The following DIP2C variants were observed in gnomAD, a reference collection of about 807,000 sequenced individuals.
DIP2C encodes DIP2 acetate--CoA ligase C (putative), also known as disco-interacting protein 2 homolog C.
Under a neutral mutation model 192.4 loss-of-function variants are expected in DIP2C, and 33 were observed. The observed-to-expected ratio is 0.17, with a 90% confidence interval of 0.13 to 0.23. The LOEUF (loss-of-function observed/expected upper bound fraction) is 0.23, where lower values mean the gene tolerates loss of function less well. Ranked by LOEUF, DIP2C falls within the 10% of genes least tolerant of loss-of-function variation. The pLI is 1.00. For missense variants in DIP2C, 1,537 were observed against 2,110.1 expected, an observed-to-expected ratio of 0.73 and a Z score of 5.32; for synonymous variants, 979 against 864.1, an observed-to-expected ratio of 1.13 and a Z score of -2.33.
chr10:382,125 A>G (rs1962424502), intron 17 of DIP2C, among the ~76,000 whole-genome samples: 1 of 152,268 alleles, frequency 6.6e-6, no homozygotes, highest in African/African-American at 2.4e-5. Context: ...TGAGATTGTC[A>G]GAGCAAAGTG....
chr10:481,140 C>T (rs1843576272), intron 2 of DIP2C, among the ~76,000 whole-genome samples: 1 of 152,162 alleles, frequency 6.6e-6, no homozygotes, highest in Non-Finnish European at 1.5e-5. Context: ...GGACCCACTG[C>T]GCACCTGCCC....
chr10:639,729 A>G (rs1855058919), intron 1 of DIP2C, among the ~76,000 whole-genome samples: 1 of 152,224 alleles, frequency 6.6e-6, no homozygotes, highest in Admixed American at 6.5e-5. Flanking sequence ...TCTTTGAAAT[A>G]GGCATATTGT....
rs567656111 is a variant in DIP2C at position 298,886 on chromosome 10, C to T, written c.3987-10465G>A. On this transcript the variant is annotated intron_variant, in intron 32 of 36. Transcript: ENST00000280886. ...TGCTGAAATGGTCCAACTTGGTTTC[C>T]GTCACTTTCCACCATGAAGTGTGAC... is the stretch of plus-strand genomic sequence containing the variant. 1.3e-4 allele frequency among the ~76,000 whole-genome samples: 20 copies of T among 152,330 alleles called. No individual in the cohort carries two copies. In the East Asian group the frequency reaches 1.7e-3, roughly 13 times the overall value.
intron 1 of DIP2C, among the ~76,000 whole-genome samples, chr10:613,659 T>C (rs1853245653): frequency 6.6e-6 from 1 of 152,224 alleles, no homozygotes; most frequent in African/African-American, 2.4e-5. Context: ...AATTTGCTAC[T>C]GAATTACAAT....
intron 1 of DIP2C, among the ~76,000 whole-genome samples, chr10:502,096 T>C (rs1437168099): frequency 6.6e-6 from 1 of 152,208 alleles, no homozygotes; most frequent in Admixed American, 6.5e-5. Flanking sequence ...CACTGAGCTA[T>C]GATTCCACCA....
chr10:537,882 C>G (rs905683693), intron 1 of DIP2C, among the ~76,000 whole-genome samples: 5 of 151,570 alleles, frequency 3.3e-5, no homozygotes, highest in African/African-American at 7.3e-5. Context: ...CTCCACCTCC[C>G]AAGTTCAGGC....
intron 4 of DIP2C, among the ~76,000 whole-genome samples, chr10:425,092 AAT>A (rs1469217172): frequency 2.1e-5 from 1 of 46,608 alleles, no homozygotes; most frequent in African/African-American, 9.4e-5. Context: ...AGCGGTGACT[AAT>A]ATGACACGGA....
At chr10:368,954 C>T (rs1257753435) in intron 18 of DIP2C, among the ~76,000 whole-genome samples, 1 of 152,226 alleles carries the variant, frequency 6.6e-6, no homozygotes, top group Non-Finnish European at 1.5e-5. Context: ...GGGCGCTCCT[C>T]GTGGGGCTGG....
intron 4 of DIP2C, among the ~76,000 whole-genome samples, chr10:437,056 GAT>G: frequency 2.1e-5 from 3 of 143,228 alleles, no homozygotes; most frequent in East Asian, 2.2e-4. Context: ...ATGGTAGGGT[GAT>G]ATGCTCCGCC....
At chr10:578,120 G>T (rs115992053) in intron 1 of DIP2C, among the ~76,000 whole-genome samples, 1 of 152,092 alleles carries the variant, frequency 6.6e-6, no homozygotes, top group Non-Finnish European at 1.5e-5. Context: ...CTGTTTACTC[G>T]AAAGCTCTCT....
intron 29 of DIP2C, among the ~76,000 whole-genome samples, chr10:338,284 T>C (rs1957967099): frequency 6.6e-6 from 1 of 152,218 alleles, no homozygotes; most frequent in South Asian, 2.1e-4. Context: ...GTAGCCAAAG[T>C]GTCTGGTATT....
At chr10:605,091 C>G (rs816603) in intron 1 of DIP2C, among the ~76,000 whole-genome samples, 111,982 of 152,200 alleles carry the variant, frequency 0.74, 44,937 homozygotes, top group Non-Finnish European at 0.89. Context: ...ATCATGCGTG[C>G]CTGAGGTCCA....
intron 1 of DIP2C, among the ~76,000 whole-genome samples, chr10:547,190 C>T (rs995404016): frequency 6.6e-6 from 1 of 152,212 alleles, no homozygotes; most frequent in Non-Finnish European, 1.5e-5. Context: ...GAAGTTTGCT[C>T]TCACCCACAC....
chr10:623,396 G>A (rs1401214040), intron 1 of DIP2C, among the ~76,000 whole-genome samples: 3 of 151,080 alleles, frequency 2.0e-5, no homozygotes, highest in East Asian at 1.9e-4. Context: ...CCCTCCAGCC[G>A]CACTTAGGTT....
intron 1 of DIP2C, among the ~76,000 whole-genome samples, chr10:593,536 G>T (rs1041360996): frequency 6.5e-5 from 8 of 122,624 alleles, no homozygotes; most frequent in Non-Finnish European, 1.2e-4. Context: ...TCATCTCCTC[G>T]TGGAAGGCTG....
chr10:389,713 A>C (rs1963301973), intron 13 of DIP2C, among the ~76,000 whole-genome samples: 1 of 152,164 alleles, frequency 6.6e-6, no homozygotes, highest in South Asian at 2.1e-4. Flanking sequence ...TCCTACGAGA[A>C]ACCTGGAAGA....
At chr10:674,157 T>C (rs548472604) in intron 1 of DIP2C, among the ~76,000 whole-genome samples, 75 of 152,284 alleles carry the variant, frequency 4.9e-4, no homozygotes, top group African/African-American at 1.4e-3. Context: ...TTAAAAGATA[T>C]AGACTGGCTG....
chr10:358,215 C>T (rs1959170866), intron 22 of DIP2C, among the ~76,000 whole-genome samples: 1 of 151,958 alleles, frequency 6.6e-6, no homozygotes, highest in Non-Finnish European at 1.5e-5. Flanking sequence ...ATGTGAGAGC[C>T]CCGTGTGCCG....
rs575778210 is a variant in DIP2C, at chr10:324,198, CTG to C, written c.3924+2806_3924+2807del. ...ACATGCCTACCGTCCAACTCACTGA[CTG>C]TGAGAAATGTTTGATGATGGCACAA... On this transcript the variant is annotated intron_variant, in intron 31 of 36. Transcript: ENST00000280886. 6.9e-4 allele frequency among the ~76,000 whole-genome samples: 105 copies of C among 152,208 alleles called. No homozygotes were observed. The South Asian group carries it at 0.012, about 17-fold the overall frequency.
Sources: allele counts gnomAD v4.1 joint callset (sites outside exome capture counted in the v4.1 genomes callset), GRCh38; gene constraint gnomAD v4.1.1; transcripts MANE v1.5; gene names NCBI Gene and HGNC (gene_info 2026-07-23, HGNC 2026-07-21).